Variants in PPP1R12A observed in about 807,000 individuals in gnomAD.
PPP1R12A encodes protein phosphatase 1 regulatory subunit 12A.
PPP1R12A carries 19 observed loss-of-function variants against 139.6 expected under a neutral mutation model. The ratio of observed to expected loss-of-function variants is 0.14; its 90% confidence interval spans 0.09 to 0.20. PPP1R12A has a LOEUF of 0.20. Ranked by LOEUF, PPP1R12A falls within the 10% of genes least tolerant of loss-of-function variation. The pLI is 1.00. For synonymous variants in PPP1R12A, 427 were observed against 420.6 expected (o/e 1.02, Z -0.19); for missense variants, 925 against 1,211.5 (o/e 0.76, Z 3.51).
At chr12:79,778,970 G>C (rs1870081197) in intron 23 of PPP1R12A, 1 of 234,268 alleles carries the variant, frequency 4.3e-6, no homozygotes, top group Non-Finnish European at 8.7e-6. Flanking sequence ...GACAGAAGCA[G>C]AAAAGCAAGA....
intron 3 of PPP1R12A, among the ~76,000 whole-genome samples, chr12:79,842,835 G>T (rs1289574006): frequency 1.3e-5 from 2 of 151,986 alleles, no homozygotes; most frequent in Non-Finnish European, 2.9e-5. Flanking sequence ...GGGATTACAG[G>T]TCTTAACTAT....
intron 21 of PPP1R12A, 58 bp downstream of exon 21, chr12:79,788,590 T>A: frequency 7.1e-7 from 1 of 1,415,756 alleles, no homozygotes; most frequent in Non-Finnish European, 9.5e-7. Flanking sequence ...AATATTTGAA[T>A]GAGTATCTCA....
intron 22 of PPP1R12A, chr12:79,782,450 G>C (rs1488779247): frequency 3.0e-6 from 1 of 333,144 alleles, no homozygotes; most frequent in African/African-American, 2.2e-5. Flanking sequence ...TCTTCTGCTG[G>C]TGAGCTCAGG....
intron 18 of PPP1R12A, among the ~76,000 whole-genome samples, chr12:79,794,174 T>A (rs1872229303): frequency 6.6e-6 from 1 of 152,052 alleles, no homozygotes; most frequent in African/African-American, 2.4e-5. Context: ...CTATAAAGTA[T>A]ATGTTTAACT....
intron 3 of PPP1R12A, among the ~76,000 whole-genome samples, chr12:79,833,784 C>A (rs1877733856): frequency 6.7e-6 from 1 of 149,410 alleles, no homozygotes; most frequent in Admixed American, 6.7e-5. Flanking sequence ...ATGCAGTAAG[C>A]CAAGATCACG....
In PPP1R12A at chr12:79,796,882, C is replaced by T. The variant is rs1272736925; in HGVS notation, c.2361G>A (p.Met787Ile). The T allele has an allele frequency of 3.1e-6, 5 of 1,611,984 alleles. No individual in the cohort carries two copies. The highest frequency in any genetic ancestry group is 8.5e-7 in the Non-Finnish European group (1 of 1,178,352). Residue 787 changes from methionine to isoleucine, a missense_variant, in exon 17 of 25, where the codon ATG becomes ATA. Physicochemically the swap from Met to Ile is conservative, Grantham distance 10. This residue lies in a region of PPP1R12A where 315 missense variants were observed against 363.4 expected (regional missense o/e 0.87). Transcript: ENST00000450142. ...STTPSSSLSTMSSSLYASSQL... is the reference protein window; with the variant it reads ...STTPSSSLSTISSSLYASSQL... ...GACTTGAAGCATACAGTGAACTGCT[C>T]ATAGTAGAAAGTGAAGAGGATGGAG...
At chr12:79,924,577 T>C (rs1412144701) in intron 1 of PPP1R12A, among the ~76,000 whole-genome samples, 1 of 151,752 alleles carries the variant, frequency 6.6e-6, no homozygotes, top group Non-Finnish European at 1.5e-5. Flanking sequence ...CACAGATGCG[T>C]GTCGCCATGC....
chr12:79,913,095 T>C (rs1410059184), intron 1 of PPP1R12A, among the ~76,000 whole-genome samples: 1 of 152,248 alleles, frequency 6.6e-6, no homozygotes, highest in Non-Finnish European at 1.5e-5. Context: ...TGCATTTCTC[T>C]GGTGAATGAG....
At chr12:79,846,177 A>C (rs990728691) in intron 2 of PPP1R12A, among the ~76,000 whole-genome samples, 1 of 152,234 alleles carries the variant, frequency 6.6e-6, no homozygotes, top group African/African-American at 2.4e-5. Context: ...CAGACAGATA[A>C]TTATACTACA....
intron 1 of PPP1R12A, among the ~76,000 whole-genome samples, chr12:79,923,333 G>A (rs555008679): frequency 6.6e-6 from 1 of 151,910 alleles, no homozygotes; most frequent in Non-Finnish European, 1.5e-5. Flanking sequence ...GATAAAAAGT[G>A]GAAAATATAC....
intron 19 of PPP1R12A, among the ~76,000 whole-genome samples, chr12:79,791,151 TAATC>T (rs1473691479): frequency 6.6e-6 from 1 of 152,192 alleles, no homozygotes; most frequent in Non-Finnish European, 1.5e-5. Context: ...ATTTTCAAGA[TAATC>T]AAATTCAGTA....
intron 3 of PPP1R12A, among the ~76,000 whole-genome samples, chr12:79,833,812 G>A (rs1293355010): frequency 6.7e-6 from 1 of 149,846 alleles, no homozygotes; most frequent in Non-Finnish European, 1.5e-5. Context: ...ACTCCAGCCT[G>A]GGCAACGGAG....
chr12:79,864,721 G>A (rs1881768621), intron 2 of PPP1R12A, among the ~76,000 whole-genome samples: 1 of 152,130 alleles, frequency 6.6e-6, no homozygotes, highest in Non-Finnish European at 1.5e-5. Flanking sequence ...AGAAAATCTA[G>A]AAGAAATGGA....
At chr12:79,893,890 C>CA (rs1884892489) in intron 1 of PPP1R12A, among the ~76,000 whole-genome samples, 1 of 152,128 alleles carries the variant, frequency 6.6e-6, no homozygotes, top group Non-Finnish European at 1.5e-5. Context: ...AAGAACATAC[C>CA]AGAGTACAAG....
intron 1 of PPP1R12A, among the ~76,000 whole-genome samples, chr12:79,876,520 A>G (rs1883116710): frequency 6.6e-6 from 1 of 152,206 alleles, no homozygotes; most frequent in Non-Finnish European, 1.5e-5. Flanking sequence ...CTCAGGTTCC[A>G]GAAACTAAGC....
chr12:79,875,308 C>T (rs1052931669), intron 1 of PPP1R12A, among the ~76,000 whole-genome samples: 2 of 152,148 alleles, frequency 1.3e-5, no homozygotes, highest in African/African-American at 2.4e-5. Context: ...AGGACCCCTG[C>T]CCAAGAATGT....
chr12:79,928,967 T>C (rs1477821571), intron 1 of PPP1R12A, among the ~76,000 whole-genome samples: 1 of 152,208 alleles, frequency 6.6e-6, no homozygotes, highest in Non-Finnish European at 1.5e-5. Context: ...TCTAATAGCA[T>C]AGAACATGGA....
At chr12:79,895,975 G>T (rs1885092916) in intron 1 of PPP1R12A, among the ~76,000 whole-genome samples, 1 of 147,098 alleles carries the variant, frequency 6.8e-6, no homozygotes, top group South Asian at 2.2e-4. Context: ...TGTCATTAAG[G>T]ATAAAGAAAT....
chr12:79,794,334 AT>A (rs1479327770), intron 18 of PPP1R12A, among the ~76,000 whole-genome samples: 1 of 152,038 alleles, frequency 6.6e-6, no homozygotes, highest in Non-Finnish European at 1.5e-5. Context: ...CAAGTTGAAT[AT>A]ATATTTTGTC....
Sources: gnomAD v4.1 joint callset for allele counts (sites outside exome capture counted in the v4.1 genomes callset) on GRCh38, gnomAD v4.1.1 for gene constraint, gnomAD v4.1.1 regional missense constraint, MANE v1.5 for transcripts, NCBI Gene and HGNC (gene_info 2026-07-23, HGNC 2026-07-21) for gene names.